The following EYS variants were observed in gnomAD, a reference collection of about 807,000 sequenced individuals.
EYS encodes the protein EGF-like photoreceptor maintenance factor, also known as protein eyes shut homolog.
EYS carries 250 observed loss-of-function variants against 282.1 expected under a neutral mutation model. The ratio of observed to expected loss-of-function variants is 0.89; its 90% CI spans 0.80 to 0.98. The LOEUF is 0.98. Among genes scored for constraint, EYS ranks in the 50% least tolerant of loss-of-function variants. The pLI is 0.00. For synonymous variants in EYS, 1,355 were observed against 1,282.9 expected (o/e 1.06, Z -1.20); for missense variants, 4,016 against 3,709.0 (o/e 1.08, Z -2.15).
chr6:65,337,096 T>C (rs1488098517), intron 10 of EYS, among the ~76,000 whole-genome samples: 1 of 151,500 alleles, frequency 6.6e-6, no homozygotes, highest in East Asian at 1.9e-4. Flanking sequence ...CCTTTATTGA[T>C]ATCTAAATAG....
chr6:63,878,374 T>A (rs1301662773), intron 35 of EYS, among the ~76,000 whole-genome samples: 1 of 151,964 alleles, frequency 6.6e-6, no homozygotes, highest in East Asian at 1.9e-4. Flanking sequence ...GTATGAGGTG[T>A]CAGTCGGCCC....
At chr6:64,476,642 G>A (rs944328568) in intron 26 of EYS, among the ~76,000 whole-genome samples, 3 of 152,002 alleles carry the variant, frequency 2.0e-5, no homozygotes, top group African/African-American at 7.2e-5. Context: ...AATTATGTTA[G>A]TCATTTGGCT....
chr6:64,337,068 T>C (rs2150394122), intron 29 of EYS, among the ~76,000 whole-genome samples: 1 of 151,844 alleles, frequency 6.6e-6, no homozygotes, highest in African/African-American at 2.4e-5. Context: ...CTCAAGGAAC[T>C]AAAGAAACAA....
intron 30 of EYS, among the ~76,000 whole-genome samples, chr6:64,305,144 T>C (rs9342212): frequency 0.66 from 100,938 of 152,046 alleles, 33,665 homozygotes; most frequent in South Asian, 0.71. Context: ...GATTTTGTAA[T>C]TACTTTTTCA....
At chr6:64,931,378 A>G (rs1322039744) in intron 15 of EYS, among the ~76,000 whole-genome samples, 1 of 152,124 alleles carries the variant, frequency 6.6e-6, no homozygotes, top group East Asian at 1.9e-4. Flanking sequence ...TAGGATATTC[A>G]TGTATCCTTC....
chr6:65,094,773 A>G (rs923178912), intron 12 of EYS, among the ~76,000 whole-genome samples: 1 of 151,336 alleles, frequency 6.6e-6, no homozygotes, highest in Non-Finnish European at 1.5e-5. Context: ...ACTATAAAAG[A>G]AGAAAGATCT....
At chr6:65,327,892 T>C (rs1769668862) in intron 11 of EYS, among the ~76,000 whole-genome samples, 1 of 151,484 alleles carries the variant, frequency 6.6e-6, no homozygotes, top group African/African-American at 2.4e-5. Flanking sequence ...TGTATTTTTT[T>C]CAATATAGTT....
chr6:64,043,345 T>C (rs1582190452), intron 33 of EYS, among the ~76,000 whole-genome samples: 1 of 152,162 alleles, frequency 6.6e-6, no homozygotes, highest in East Asian at 1.9e-4. Context: ...TTCTGGAATG[T>C]TTATAGCAAC....
chr6:65,308,621 A>C (rs16880845), intron 11 of EYS, among the ~76,000 whole-genome samples: 44,547 of 149,062 alleles, frequency 0.3, 7,133 homozygotes, highest in Non-Finnish European at 0.35. Flanking sequence ...TGCCAAGGGG[A>C]ATCTGTTTCC....
intron 12 of EYS, among the ~76,000 whole-genome samples, chr6:65,141,163 C>T (rs1007413260): frequency 2.6e-5 from 4 of 151,784 alleles, no homozygotes; most frequent in African/African-American, 4.8e-5. Flanking sequence ...TATGCAGCCA[C>T]AAAAAATGAT....
chr6:65,237,023 T>C (rs1009896036), intron 12 of EYS, among the ~76,000 whole-genome samples: 1 of 152,216 alleles, frequency 6.6e-6, no homozygotes, highest in Admixed American at 6.5e-5. Flanking sequence ...TTATGCTCTT[T>C]TTCTTTCACT....
At chr6:64,767,023 T>G (rs1773373204) in intron 22 of EYS, among the ~76,000 whole-genome samples, 1 of 151,972 alleles carries the variant, frequency 6.6e-6, no homozygotes, top group Non-Finnish European at 1.5e-5. Flanking sequence ...TATGTGATGA[T>G]ATCACTGGGG....
At chr6:64,239,627 T>A (rs561347021) in intron 30 of EYS, among the ~76,000 whole-genome samples, 1 of 151,860 alleles carries the variant, frequency 6.6e-6, no homozygotes, top group East Asian at 1.9e-4. Context: ...TAAATTTGTT[T>A]AAGTTATTTG....
Position 65,182,938 on chromosome 6 carries a change from A to T in EYS, c.2023+112925T>A, listed in dbSNP as rs569473509. On this transcript the variant is annotated intron_variant, in intron 12 of 42. Coordinates refer to ENST00000503581, the MANE Select transcript of EYS (RefSeq NM_001142800.2). ...TAAGTAGCTGGGAATACAGTCACAC[A>T]CCACCACGCCTGGCTGATTTTTTGT... is the stretch of plus-strand genomic sequence containing the variant. 2.6e-3 allele frequency among the ~76,000 whole-genome samples: 402 copies of T among 151,812 alleles called. 2 individuals carry two copies. Among genetic ancestry groups the T allele is most frequent in the Non-Finnish European group, 4.4e-3 (302 of 67,866 alleles).
At chr6:64,698,583 T>C (rs1157648720) in intron 22 of EYS, among the ~76,000 whole-genome samples, 2 of 152,076 alleles carry the variant, frequency 1.3e-5, no homozygotes, top group East Asian at 3.9e-4. Context: ...GGAAACTATG[T>C]ATCTGACAAA....
rs1389751376 is a variant in EYS at position 63,727,726 on chromosome 6, A to AT, written c.8072-1047_8072-1046insA. ...TCTCTCAAAAAAAAAAAAAAAAAAA[A>AT]AAAAAAAAAAAATATATATATATAT... On this transcript the variant is annotated intron_variant, in intron 41 of 42. Coordinates refer to ENST00000503581, the MANE Select transcript of EYS (RefSeq NM_001142800.2). Among the ~76,000 whole-genome samples the AT allele has an allele frequency of 3.6e-4, 35 of 97,108 alleles. 2 individuals are homozygous for AT. Among genetic ancestry groups the AT allele is most frequent in the Middle Eastern group, 4.4e-3 (1 of 226 alleles). The allele number at this position is 97,108 out of a possible 152,430, so 63.7% of individuals were successfully genotyped here.
chr6:63,952,977 G>T (rs747206879), intron 35 of EYS, among the ~76,000 whole-genome samples: 6 of 152,044 alleles, frequency 3.9e-5, no homozygotes, highest in Non-Finnish European at 7.4e-5. Context: ...CATTTTACCT[G>T]TCCAAAAACT....
intron 11 of EYS, among the ~76,000 whole-genome samples, chr6:65,314,561 GGTGTGTGTGTGTGTGT>G (rs4032795): frequency 1.5e-4 from 16 of 106,336 alleles, no homozygotes; most frequent in African/African-American, 2.3e-4. Context: ...TTCCCCTTAT[GGTGTGTGTGTGTGTGT>G]GTGTGTGTGT....
chr6:63,956,094 C>A (rs1401532019), intron 35 of EYS, among the ~76,000 whole-genome samples: 10 of 116,126 alleles, frequency 8.6e-5, no homozygotes, highest in African/African-American at 3.2e-4. Flanking sequence ...CCACCCCCCA[C>A]AATTTTCACT....
Sources: allele counts gnomAD v4.1 joint callset (sites outside exome capture counted in the v4.1 genomes callset), GRCh38; gene constraint gnomAD v4.1.1; transcripts MANE v1.5; gene names NCBI Gene and HGNC (gene_info 2026-07-23, HGNC 2026-07-21).